Variants in ANXA8 observed in about 807,000 individuals in gnomAD.
ANXA8 encodes the protein VAC-beta.
ANXA8 carries 9 observed loss-of-function variants against 26.8 expected under a neutral mutation model. The observed-to-expected ratio is 0.34, with a 90% CI of 0.20 to 0.59. The LOEUF is 0.59. Among genes scored for constraint, ANXA8 ranks in the 20% least tolerant of loss-of-function variants. ANXA8 has a pLI of 0.84. For missense variants in ANXA8, 83 were observed against 238.5 expected (o/e 0.35, Z 4.29); for synonymous variants, 39 against 94.8 (o/e 0.41, Z 3.42).
At chr10:47,487,020 G>C (rs1840061639), upstream of ANXA8, among the ~76,000 whole-genome samples, 1 of 145,952 alleles carries the variant, frequency 6.9e-6, no homozygotes, top group Non-Finnish European at 1.5e-5. Flanking sequence ...GCTAGAAGAA[G>C]GGACTTGAAA....
the ANXA8 span, among the ~76,000 whole-genome samples, chr10:47,940,999 C>T: frequency 1.4e-5 from 2 of 141,990 alleles, no homozygotes; most frequent in East Asian, 2.3e-4. Flanking sequence ...CTCTGGGCAC[C>T]GGTGGAAGCA....
chr10:47,623,898 A>T, the ANXA8 span, among the ~76,000 whole-genome samples: 1 of 92,924 alleles, frequency 1.1e-5, no homozygotes, highest in Admixed American at 1.2e-4. Context: ...CCTCTTTGGG[A>T]CCCGTGACAA....
chr10:47,560,460 A>G, the ANXA8 span, among the ~76,000 whole-genome samples: 1 of 151,632 alleles, frequency 6.6e-6, no homozygotes, highest in African/African-American at 2.4e-5. Context: ...TGTAGAAGTA[A>G]TGAAACCAAG....
At chr10:47,948,004 G>T in the ANXA8 span, among the ~76,000 whole-genome samples, 1 of 150,898 alleles carries the variant, frequency 6.6e-6, no homozygotes, top group Non-Finnish European at 1.5e-5. Context: ...AGAAAATCTG[G>T]TGCGTTCAGT....
the ANXA8 span, among the ~76,000 whole-genome samples, chr10:47,587,212 A>AAAT: frequency 2.7e-5 from 4 of 147,378 alleles, no homozygotes; most frequent in Admixed American, 1.3e-4. Flanking sequence ...TCAAAAAAAA[A>AAAT]AAAAATAAAA....
chr10:47,952,529 C>T, the ANXA8 span, among the ~76,000 whole-genome samples: 6 of 148,316 alleles, frequency 4.0e-5, 1 homozygote, highest in East Asian at 1.2e-3. Context: ...AAAATACTTA[C>T]AAGATGAGCA....
chr10:47,943,814 G>A, the ANXA8 span, among the ~76,000 whole-genome samples: 1 of 148,312 alleles, frequency 6.7e-6, no homozygotes, highest in Non-Finnish European at 1.5e-5. Context: ...GATGTGGGCT[G>A]CAACTGCATC....
At chr10:47,667,815 G>C in the ANXA8 span, among the ~76,000 whole-genome samples, 2 of 151,972 alleles carry the variant, frequency 1.3e-5, no homozygotes, top group Admixed American at 6.6e-5. Context: ...TCGGTTCACT[G>C]TAACCTCCGC....
chr10:47,644,604 C>T, the ANXA8 span, among the ~76,000 whole-genome samples: 9 of 152,010 alleles, frequency 5.9e-5, no homozygotes, highest in Admixed American at 3.3e-4. Flanking sequence ...AAACGTATGT[C>T]TCTCATCCTA....
chr10:47,954,117 A>T, the ANXA8 span, among the ~76,000 whole-genome samples: 1 of 150,876 alleles, frequency 6.6e-6, no homozygotes, highest in Non-Finnish European at 1.5e-5. Flanking sequence ...ACTATTCACA[A>T]TAGCCAAGAT....
At chr10:47,920,263 G>T in the ANXA8 span, among the ~76,000 whole-genome samples, 2 of 92,388 alleles carry the variant, frequency 2.2e-5, no homozygotes, top group African/African-American at 5.5e-5. Flanking sequence ...TTGAGACAGA[G>T]TCTCGCTCTG....
At chr10:47,566,437 C>T in the ANXA8 span, among the ~76,000 whole-genome samples, 1 of 151,666 alleles carries the variant, frequency 6.6e-6, no homozygotes, top group Non-Finnish European at 1.5e-5. Flanking sequence ...AAACCCCCTT[C>T]TTCCCCCACC....
chr10:47,623,258 C>G, the ANXA8 span, among the ~76,000 whole-genome samples: 2 of 109,712 alleles, frequency 1.8e-5, no homozygotes, highest in African/African-American at 3.5e-5. Flanking sequence ...CAGTTTGCTT[C>G]TAAATGCCCA....
chr10:47,495,616 T>C, the ANXA8 span, among the ~76,000 whole-genome samples: 4 of 149,204 alleles, frequency 2.7e-5, no homozygotes, highest in East Asian at 6.1e-4. Context: ...GTCCCTTTTC[T>C]CCTTCTGGAA....
intron 11 of ANXA8, among the ~76,000 whole-genome samples, chr10:47,469,950 C>G (rs1331752540): frequency 6.6e-6 from 1 of 151,534 alleles, no homozygotes; most frequent in Non-Finnish European, 1.5e-5. Flanking sequence ...GCAGTCCTAG[C>G]TCACGGCAGC....
chr10:47,925,525 G>C, the ANXA8 span, among the ~76,000 whole-genome samples: 2 of 117,052 alleles, frequency 1.7e-5, no homozygotes, highest in Non-Finnish European at 3.6e-5. Flanking sequence ...CGGAGGGCCA[G>C]GCTAGGCCTC....
At chr10:47,733,270 TCTTTC>T in the ANXA8 span, among the ~76,000 whole-genome samples, 1 of 113,324 alleles carries the variant, frequency 8.8e-6, no homozygotes, top group African/African-American at 3.5e-5. Context: ...TTTCTTTCTT[TCTTTC>T]TTTCTTTCTT....
chr10:47,738,575 G>A, the ANXA8 span, among the ~76,000 whole-genome samples: 5 of 151,190 alleles, frequency 3.3e-5, no homozygotes, highest in African/African-American at 1.2e-4. Context: ...TATTAACTAT[G>A]GAAATTTTTT....
At chr10:47,518,735 G>A in the ANXA8 span, among the ~76,000 whole-genome samples, 19 of 132,858 alleles carry the variant, frequency 1.4e-4, 6 homozygotes, top group South Asian at 1.5e-3. Flanking sequence ...GTTAAAATGA[G>A]TATACAAACC....
Sources: allele counts gnomAD v4.1 joint callset (sites outside exome capture counted in the v4.1 genomes callset), GRCh38; gene constraint gnomAD v4.1.1; transcripts MANE v1.5; gene names NCBI Gene and HGNC (gene_info 2026-07-23, HGNC 2026-07-21).